VPS13B: variants seen among roughly 807,000 people sequenced by gnomAD.
VPS13B encodes intermembrane lipid transfer protein VPS13B.
A neutral mutation model predicts 426.4 loss-of-function variants in VPS13B; 285 were observed. The ratio of observed to expected loss-of-function variants is 0.67; its 90% CI spans 0.61 to 0.74. The LOEUF is 0.74. Ranked by LOEUF, VPS13B falls within the 30% of genes least tolerant of loss-of-function variation. VPS13B has a pLI of 0.00. For synonymous variants in VPS13B, 1,676 were observed against 1,676.4 expected (o/e 1.00, Z 0.01); for missense variants, 4,537 against 4,782.6 (o/e 0.95, Z 1.51).
intron 17 of VPS13B, among the ~76,000 whole-genome samples, chr8:99,219,425 A>T (rs1257654061): frequency 1.3e-5 from 2 of 152,216 alleles, no homozygotes; most frequent in East Asian, 3.9e-4. Context: ...AAGTGGCAAA[A>T]TGAGGGTTAA....
chr8:99,634,122 A>G (rs1257441596), intron 33 of VPS13B, among the ~76,000 whole-genome samples: 2 of 151,976 alleles, frequency 1.3e-5, no homozygotes, highest in Non-Finnish European at 2.9e-5. Context: ...AAAGGGACAA[A>G]CACACACAAA....
chr8:99,851,679 G>A (rs1003149937), intron 55 of VPS13B, among the ~76,000 whole-genome samples: 2 of 152,042 alleles, frequency 1.3e-5, no homozygotes, highest in Admixed American at 1.3e-4. Context: ...GCATCAAGGA[G>A]GAGCAGGGAA....
chr8:99,493,289 A>C (rs889465613), intron 25 of VPS13B, among the ~76,000 whole-genome samples: 2 of 152,104 alleles, frequency 1.3e-5, no homozygotes, highest in Non-Finnish European at 2.9e-5. Context: ...TTAGAAGTTT[A>C]TACTCTCTTT....
chr8:99,763,009 G>A (rs750084115), intron 39 of VPS13B, among the ~76,000 whole-genome samples: 21 of 151,276 alleles, frequency 1.4e-4, no homozygotes, highest in African/African-American at 4.1e-4. Context: ...ATGGTGGCAC[G>A]TGCCTGTGGT....
At chr8:99,599,176 C>T (rs1450493394) in intron 33 of VPS13B, among the ~76,000 whole-genome samples, 1 of 151,918 alleles carries the variant, frequency 6.6e-6, no homozygotes, top group African/African-American at 2.4e-5. Context: ...GGTAAAACTC[C>T]CTTTGCTCCA....
At chr8:99,528,661 T>G in intron 30 of VPS13B, among the ~76,000 whole-genome samples, 1 of 152,124 alleles carries the variant, frequency 6.6e-6, no homozygotes, top group Non-Finnish European at 1.5e-5. Context: ...TTTTTATCAT[T>G]AAGTATCCTT....
At chr8:99,028,651 T>G (rs373172626) in intron 2 of VPS13B, among the ~76,000 whole-genome samples, 2 of 75,606 alleles carry the variant, frequency 2.6e-5, no homozygotes, top group Admixed American at 1.2e-4. Flanking sequence ...CCGGACGGGG[T>G]GGCTGGCCAG....
chr8:99,191,220 A>C (rs1317234033), intron 16 of VPS13B, among the ~76,000 whole-genome samples: 1 of 151,558 alleles, frequency 6.6e-6, no homozygotes, highest in African/African-American at 2.4e-5. Flanking sequence ...AGTTTTCAGC[A>C]ATTTGATTAT....
intron 19 of VPS13B, among the ~76,000 whole-genome samples, chr8:99,349,332 C>CAAAAAAAA (rs35441676): frequency 1.0e-4 from 5 of 47,696 alleles, no homozygotes; most frequent in African/African-American, 3.1e-4. Context: ...GACTCCGTCT[C>CAAAAAAAA]AAAAAAAAAA....
At chr8:99,594,833 G>T (rs923627110) in intron 33 of VPS13B, among the ~76,000 whole-genome samples, 1 of 151,884 alleles carries the variant, frequency 6.6e-6, no homozygotes, top group Non-Finnish European at 1.5e-5. Context: ...CCACTGCTTT[G>T]CTCTGCTCAC....
At chr8:99,875,110 CAG>C in intron 61 of VPS13B, 1 of 388,048 alleles carries the variant, frequency 2.6e-6, no homozygotes, top group South Asian at 2.6e-5. Flanking sequence ...AGAACAATGA[CAG>C]ATGTTTTAAT....
intron 30 of VPS13B, among the ~76,000 whole-genome samples, chr8:99,534,859 C>T (rs374760530): frequency 8.5e-5 from 13 of 152,228 alleles, no homozygotes; most frequent in African/African-American, 2.6e-4. Flanking sequence ...ATTCCTATAG[C>T]TATTCATATA....
At chr8:99,221,251 G>C (rs930575295) in intron 17 of VPS13B, among the ~76,000 whole-genome samples, 2 of 147,020 alleles carry the variant, frequency 1.4e-5, no homozygotes, top group Admixed American at 1.4e-4. Context: ...ATAAACATAC[G>C]TGTGCATGTG....
At chr8:99,620,753 C>T (rs1412197185) in intron 33 of VPS13B, among the ~76,000 whole-genome samples, 1 of 151,384 alleles carries the variant, frequency 6.6e-6, no homozygotes, top group East Asian at 1.9e-4. Context: ...AGGTGGATCA[C>T]CTGAGGTCAG....
At chr8:99,630,936 A>G (rs1563833986) in intron 33 of VPS13B, among the ~76,000 whole-genome samples, 1 of 152,240 alleles carries the variant, frequency 6.6e-6, no homozygotes, top group East Asian at 1.9e-4. Context: ...GACCAATAGT[A>G]TTTGATGGGG....
chr8:99,468,678 A>C (rs1042807173), intron 24 of VPS13B, among the ~76,000 whole-genome samples: 19 of 152,022 alleles, frequency 1.2e-4, no homozygotes, highest in Non-Finnish European at 2.4e-4. Flanking sequence ...TGCACCCGGG[A>C]ATAGCCACTG....
intron 34 of VPS13B, among the ~76,000 whole-genome samples, chr8:99,651,876 T>C (rs977099287): frequency 5.9e-5 from 9 of 152,154 alleles, no homozygotes; most frequent in African/African-American, 1.4e-4. Context: ...AACTAACTCC[T>C]TAGTGCAATA....
chr8:99,078,546 G>A (rs776680702), intron 3 of VPS13B, among the ~76,000 whole-genome samples: 2 of 152,036 alleles, frequency 1.3e-5, no homozygotes, highest in Non-Finnish European at 2.9e-5. Context: ...GGCACCACTG[G>A]TGGCAGTGAT....
intron 19 of VPS13B, among the ~76,000 whole-genome samples, chr8:99,375,176 A>G (rs1297529610): frequency 2.0e-5 from 3 of 152,152 alleles, no homozygotes; most frequent in African/African-American, 7.2e-5. Context: ...CTAAACTATC[A>G]TGCATCCCCC....
Sources: allele counts gnomAD v4.1 joint callset (sites outside exome capture counted in the v4.1 genomes callset), GRCh38; gene constraint gnomAD v4.1.1; transcripts MANE v1.5; gene names NCBI Gene and HGNC (gene_info 2026-07-23, HGNC 2026-07-21).